MARCHF1: variants seen among roughly 807,000 people sequenced by gnomAD.
MARCHF1 encodes membrane associated ring-CH-type finger 1.
A neutral mutation model predicts 54.2 loss-of-function variants in MARCHF1; 40 were observed. The observed-to-expected ratio is 0.74, with a 90% CI of 0.57 to 0.96. MARCHF1 has a LOEUF of 0.96. MARCHF1 is among the 40% of genes least tolerant of loss of function. The probability of loss-of-function intolerance (pLI) is 0.00; values close to 1 mark genes in which losing one functional copy is unlikely to be tolerated. For missense variants in MARCHF1, 586 were observed against 656.5 expected, an observed-to-expected ratio of 0.89 and a Z score of 1.17; for synonymous variants, 236 against 236.3, an observed-to-expected ratio of 1.00 and a Z score of 0.01.
chr4:163,973,700 A>G (rs1752595123), intron 3 of MARCHF1, among the ~76,000 whole-genome samples: 1 of 152,230 alleles, frequency 6.6e-6, no homozygotes, highest in Non-Finnish European at 1.5e-5. Context: ...AATGGAAGAA[A>G]TATTGCAAGA....
intron 5 of MARCHF1, among the ~76,000 whole-genome samples, chr4:163,652,324 G>A (rs1388085993): frequency 2.0e-5 from 3 of 151,842 alleles, no homozygotes; most frequent in Non-Finnish European, 4.4e-5. Flanking sequence ...ACACTTTGCA[G>A]TGGCTGGCAA....
At chr4:164,315,109 A>T (rs1275345981) in intron 1 of MARCHF1, among the ~76,000 whole-genome samples, 1 of 152,024 alleles carries the variant, frequency 6.6e-6, no homozygotes. Flanking sequence ...CATTTTATGC[A>T]TGAAGCACCA....
At chr4:164,280,600 A>T (rs1261273424) in intron 1 of MARCHF1, among the ~76,000 whole-genome samples, 1 of 152,094 alleles carries the variant, frequency 6.6e-6, no homozygotes, top group Non-Finnish European at 1.5e-5. Flanking sequence ...ATTGAAACCA[A>T]ATTTATTCCA....
At chr4:163,580,241 G>A (rs771835482) in intron 8 of MARCHF1, among the ~76,000 whole-genome samples, 3 of 151,798 alleles carry the variant, frequency 2.0e-5, no homozygotes, top group Non-Finnish European at 4.4e-5. Context: ...ACCACACCCA[G>A]GTAATTTTTT....
At chr4:163,571,398 G>C (rs906978324) in intron 8 of MARCHF1, among the ~76,000 whole-genome samples, 1 of 152,134 alleles carries the variant, frequency 6.6e-6, no homozygotes, top group Non-Finnish European at 1.5e-5. Flanking sequence ...CACACGGCAG[G>C]TGCTCAGTAA....
intron 2 of MARCHF1, among the ~76,000 whole-genome samples, chr4:163,995,744 T>C (rs1281210663): frequency 1.3e-5 from 2 of 152,146 alleles, no homozygotes; most frequent in East Asian, 3.9e-4. Context: ...CACCCTACCA[T>C]TTGACGACCA....
intron 4 of MARCHF1, among the ~76,000 whole-genome samples, chr4:163,799,159 G>A (rs1382279562): frequency 6.6e-6 from 1 of 152,074 alleles, no homozygotes; most frequent in Non-Finnish European, 1.5e-5. Flanking sequence ...TACTGGCTAC[G>A]TTTCAAGTGT....
chr4:163,924,070 A>G (rs1411254518), intron 3 of MARCHF1, among the ~76,000 whole-genome samples: 1 of 152,080 alleles, frequency 6.6e-6, no homozygotes, highest in Admixed American at 6.6e-5. Context: ...GCATTCATTA[A>G]TCTATGCAAA....
At chr4:164,205,508 C>T (rs1190774420) in intron 1 of MARCHF1, among the ~76,000 whole-genome samples, 2 of 152,070 alleles carry the variant, frequency 1.3e-5, no homozygotes, top group African/African-American at 4.8e-5. Flanking sequence ...GTCCATCATC[C>T]TCAATTGATT....
intron 4 of MARCHF1, among the ~76,000 whole-genome samples, chr4:163,805,362 A>G (rs1391893757): frequency 7.6e-6 from 1 of 131,312 alleles, no homozygotes; most frequent in Non-Finnish European, 1.7e-5. Context: ...AAAATATTTC[A>G]CTGTCTCTAA....
At chr4:163,951,832 C>T (rs1752139589) in intron 3 of MARCHF1, among the ~76,000 whole-genome samples, 1 of 152,068 alleles carries the variant, frequency 6.6e-6, no homozygotes, top group Non-Finnish European at 1.5e-5. Flanking sequence ...TCTCAATAAG[C>T]TATATATGAA....
intron 5 of MARCHF1, among the ~76,000 whole-genome samples, chr4:163,632,533 T>A (rs1355577622): frequency 1.3e-5 from 2 of 152,196 alleles, no homozygotes; most frequent in Non-Finnish European, 2.9e-5. Context: ...ACTGCGCTTT[T>A]CCGACGGGCT....
chr4:163,610,307 G>A (rs577415639), intron 7 of MARCHF1, among the ~76,000 whole-genome samples: 13 of 152,078 alleles, frequency 8.5e-5, no homozygotes, highest in Admixed American at 2.0e-4. Flanking sequence ...AGTATAACAT[G>A]CTGCCTGTAG....
chr4:164,168,254 T>TA (rs1313017891), intron 1 of MARCHF1, among the ~76,000 whole-genome samples: 1 of 149,668 alleles, frequency 6.7e-6, no homozygotes, highest in Non-Finnish European at 1.5e-5. Context: ...ACAGCTGTTA[T>TA]AAAAAAGATA....
intron 4 of MARCHF1, among the ~76,000 whole-genome samples, chr4:163,714,571 T>A (rs1017057965): frequency 3.3e-5 from 5 of 152,250 alleles, no homozygotes; most frequent in Non-Finnish European, 1.5e-5. Flanking sequence ...ATAAATTAAG[T>A]AGGACGGTAA....
intron 1 of MARCHF1, among the ~76,000 whole-genome samples, chr4:164,182,684 T>C (rs1277694756): frequency 1.3e-5 from 2 of 151,414 alleles, no homozygotes; most frequent in African/African-American, 2.4e-5. Context: ...TTAAATTAAA[T>C]AAATGATTCT....
intron 2 of MARCHF1, among the ~76,000 whole-genome samples, chr4:164,040,749 T>C (rs1754111648): frequency 1.3e-5 from 2 of 152,072 alleles, no homozygotes; most frequent in African/African-American, 4.8e-5. Flanking sequence ...AAATGTTTGT[T>C]GTTACTTACT....
intron 1 of MARCHF1, among the ~76,000 whole-genome samples, chr4:164,142,547 C>A (rs1317969702): frequency 3.3e-5 from 5 of 152,176 alleles, no homozygotes; most frequent in Non-Finnish European, 5.9e-5. Context: ...GGGAGGCACC[C>A]CCCAGCAGGG....
intron 2 of MARCHF1, among the ~76,000 whole-genome samples, chr4:164,004,228 A>T (rs1364063464): frequency 2.1e-5 from 3 of 141,508 alleles, no homozygotes; most frequent in Non-Finnish European, 3.1e-5. Context: ...GCAAACCACC[A>T]TGGCACATGT....
Sources: gnomAD v4.1 joint callset for allele counts (sites outside exome capture counted in the v4.1 genomes callset) on GRCh38, gnomAD v4.1.1 for gene constraint, MANE v1.5 for transcripts, NCBI Gene and HGNC (gene_info 2026-07-23, HGNC 2026-07-21) for gene names.